The following RNF144A variants were observed in gnomAD, a reference collection of about 807,000 sequenced individuals.
The protein encoded by RNF144A is E3 ubiquitin-protein ligase RNF144A.
In RNF144A, 11 loss-of-function variants were observed where a neutral mutation model predicts 38.7. That is an observed-to-expected ratio of 0.28 (90% confidence interval 0.18 to 0.47). RNF144A has a LOEUF of 0.47. Ranked by LOEUF, RNF144A falls within the 20% of genes least tolerant of loss-of-function variation. The probability of loss-of-function intolerance (pLI) is 0.99; values close to 1 mark genes in which losing one functional copy is unlikely to be tolerated. For missense variants in RNF144A, 316 were observed against 377.2 expected (o/e 0.84, Z 1.34); for synonymous variants, 149 against 143.9 (o/e 1.04, Z -0.25).
Position 7,042,639 on chromosome 2 carries a change from G to T in RNF144A, c.*2879G>T, listed in dbSNP as rs1673118303. On this transcript the variant is annotated 3_prime_UTR_variant, in exon 9 of 9. Coordinates refer to ENST00000320892, the MANE Select transcript of RNF144A (RefSeq NM_014746.6). ...TGGAAATGCCTGACCTCTCAGTCTG[G>T]CTCTGCTGTGTAGTCCATAGCCCAG... 1.0e-6 allele frequency: 1 copy of T among 985,412 alleles called. No individual in the cohort carries two copies. The highest frequency in any genetic ancestry group is 1.2e-6 in the Non-Finnish European group (1 of 830,032). 61.0% of individuals were successfully genotyped at this position (985,412 alleles called of 1,614,324 possible). A position where few individuals can be genotyped will look rare whatever the true frequency, so the allele number is the denominator to read the frequency against.
chr2:7,016,264 A>C (rs1671131878), intron 5 of RNF144A, among the ~76,000 whole-genome samples: 1 of 152,176 alleles, frequency 6.6e-6, no homozygotes, highest in Non-Finnish European at 1.5e-5. Flanking sequence ...GCTTTAATAT[A>C]ATGCCATTTG....
At position 7,043,538 on chromosome 2, in the gene RNF144A, A is replaced by T. The variant is rs952467709; in HGVS notation, c.*3778A>T. 65 of 985,696 alleles carry T rather than the reference A, an allele frequency of 6.6e-5. No individual in the cohort carries two copies. In the South Asian group the frequency reaches 2.9e-3, roughly 44 times the overall value. 61.1% of individuals were successfully genotyped at this position (985,696 alleles called of 1,614,324 possible). On this transcript the variant is annotated 3_prime_UTR_variant, in exon 9 of 9. Coordinates refer to ENST00000320892, the MANE Select transcript of RNF144A (RefSeq NM_014746.6). Reference sequence around the variant, plus strand: ...TGTAAAGCTTCATGAAGTTCTCTTTAAAAAATACCAAAGCTTGTTTATTTC... The same window carrying T: ...TGTAAAGCTTCATGAAGTTCTCTTTTAAAAATACCAAAGCTTGTTTATTTC...
downstream of RNF144A, among the ~76,000 whole-genome samples, chr2:7,047,026 G>A (rs987391179): frequency 5.9e-5 from 9 of 152,190 alleles, no homozygotes; most frequent in African/African-American, 2.2e-4. Flanking sequence ...TTTATGAAAA[G>A]CCCAAAATGC....
intron 6 of RNF144A, among the ~76,000 whole-genome samples, chr2:7,063,392 GA>G (rs1674055912): frequency 6.6e-6 from 1 of 152,160 alleles, no homozygotes; most frequent in Non-Finnish European, 1.5e-5. Flanking sequence ...AGTTAGATGG[GA>G]GTGATTATGG....
intron 2 of RNF144A, among the ~76,000 whole-genome samples, chr2:6,948,682 A>G (rs1181219264): frequency 2.0e-5 from 3 of 152,212 alleles, no homozygotes; most frequent in Non-Finnish European, 2.9e-5. Flanking sequence ...AGATTAGAAC[A>G]TCTTGGAAAA....
chr2:7,010,161 G>A (rs558268142), intron 3 of RNF144A, among the ~76,000 whole-genome samples: 1 of 152,274 alleles, frequency 6.6e-6, no homozygotes, highest in South Asian at 2.1e-4. Flanking sequence ...CCGGAGCACC[G>A]CTGTCTCCGG....
At chr2:7,000,766 A>T (rs1457391597) in intron 3 of RNF144A, among the ~76,000 whole-genome samples, 1 of 152,088 alleles carries the variant, frequency 6.6e-6, no homozygotes, top group African/African-American at 2.4e-5. Flanking sequence ...TCTTAAAAAA[A>T]ACAGTCTAAT....
chr2:6,957,044 C>T (rs1054798460), intron 2 of RNF144A, among the ~76,000 whole-genome samples: 1 of 152,128 alleles, frequency 6.6e-6, no homozygotes, highest in Non-Finnish European at 1.5e-5. Context: ...ACTCTTAGGC[C>T]CCCAGCACAC....
intron 6 of RNF144A, among the ~76,000 whole-genome samples, chr2:7,022,504 A>G (rs1290997370): frequency 2.0e-5 from 3 of 152,236 alleles, no homozygotes. Context: ...AGCACAGTAC[A>G]CCAGAACTTT....
At chr2:7,012,954 G>A (rs971110172) in intron 3 of RNF144A, among the ~76,000 whole-genome samples, 7 of 152,300 alleles carry the variant, frequency 4.6e-5, no homozygotes, top group Admixed American at 1.3e-4. Flanking sequence ...GGAACACAGG[G>A]TTCAGTGTGG....
downstream of RNF144A, among the ~76,000 whole-genome samples, chr2:7,045,562 A>T (rs1053276363): frequency 2.6e-5 from 4 of 152,106 alleles, no homozygotes; most frequent in African/African-American, 7.2e-5. Context: ...CAGCTCCTTC[A>T]TCTAAGGGCA....
chr2:7,054,840 C>T (rs529588937), intron 6 of RNF144A, among the ~76,000 whole-genome samples: 15 of 152,284 alleles, frequency 9.9e-5, no homozygotes, highest in African/African-American at 3.1e-4. Context: ...TTGTTATAGC[C>T]GTACAAGCAG....
At chr2:7,050,689 A>G (rs190130661) in intron 6 of RNF144A, among the ~76,000 whole-genome samples, 205 of 152,346 alleles carry the variant, frequency 1.3e-3, no homozygotes, top group African/African-American at 4.7e-3. Context: ...TTTCAGTAGC[A>G]TAAATTCTCT....
At chr2:7,025,229 C>G (rs996330930) in intron 7 of RNF144A, among the ~76,000 whole-genome samples, 1 of 152,244 alleles carries the variant, frequency 6.6e-6, no homozygotes, top group Non-Finnish European at 1.5e-5. Flanking sequence ...CAGGCCCACA[C>G]GTCTCTGGAG....
At chr2:6,973,451 A>AATGCTG (rs1382835782) in intron 2 of RNF144A, among the ~76,000 whole-genome samples, 1 of 152,190 alleles carries the variant, frequency 6.6e-6, no homozygotes, top group Non-Finnish European at 1.5e-5. Flanking sequence ...ACGCAGATTA[A>AATGCTG]ATGCTGATGG....
chr2:7,040,167 G>C lies in RNF144A; in HGVS notation c.*407G>C. 1 of 992,914 alleles carries C rather than the reference G, an allele frequency of 1.0e-6. No homozygotes were observed. The highest frequency in any genetic ancestry group is 1.7e-5 in the African/African-American group (1 of 57,636). The allele number at this position is 992,914 out of a possible 1,614,324, so 61.5% of individuals were successfully genotyped here. A position where few individuals can be genotyped will look rare whatever the true frequency, so the allele number is the denominator to read the frequency against. On this transcript the variant is annotated 3_prime_UTR_variant, in exon 9 of 9. Coordinates refer to ENST00000320892, the MANE Select transcript of RNF144A (RefSeq NM_014746.6). ...CTGCCACTCTCTTCAGACAGAATCT[G>C]ATTATTCCAGCTTGAGAGAAGCACT... is the stretch of plus-strand genomic sequence containing the variant.
At chr2:7,066,127 G>T in intron 6 of RNF144A, among the ~76,000 whole-genome samples, 1 of 147,990 alleles carries the variant, frequency 6.8e-6, no homozygotes, top group Non-Finnish European at 1.5e-5. Context: ...TCACTCTGTT[G>T]CCCAGGCTGG....
At chr2:6,945,008 T>C (rs1028377266) in intron 2 of RNF144A, among the ~76,000 whole-genome samples, 3 of 152,270 alleles carry the variant, frequency 2.0e-5, no homozygotes, top group African/African-American at 7.2e-5. Flanking sequence ...TGTTCTGTTT[T>C]GTTTTGTTTT....
chr2:7,049,843 C>CA (rs1324835017), intron 6 of RNF144A, among the ~76,000 whole-genome samples: 3 of 152,006 alleles, frequency 2.0e-5, no homozygotes, highest in Non-Finnish European at 2.9e-5. Context: ...AATGCACCTG[C>CA]AAAAAATGTG....
Sources: gnomAD v4.1 joint callset for allele counts (sites outside exome capture counted in the v4.1 genomes callset) on GRCh38, gnomAD v4.1.1 for gene constraint, MANE v1.5 for transcripts, NCBI Gene and HGNC (gene_info 2026-07-23, HGNC 2026-07-21) for gene names.